Variants in NRG1 observed in about 807,000 individuals in gnomAD.
NRG1 encodes the protein pro-neuregulin-1, membrane-bound isoform.
Under a neutral mutation model 63.8 loss-of-function variants are expected in NRG1, and 18 were observed. The ratio of observed to expected loss-of-function variants is 0.28; its 90% CI spans 0.19 to 0.42. The LOEUF (loss-of-function observed/expected upper bound fraction) is 0.42, where lower values mean the gene tolerates loss of function less well. Ranked by LOEUF, NRG1 falls within the 10% of genes least tolerant of loss-of-function variation. The pLI is 1.00. For synonymous variants in NRG1, 302 were observed against 301.3 expected (o/e 1.00, Z -0.02); for missense variants, 762 against 814.7 (o/e 0.94, Z 0.79).
chr8:31,746,479 G>T (rs1279348988), intron 1 of NRG1, among the ~76,000 whole-genome samples: 1 of 151,952 alleles, frequency 6.6e-6, no homozygotes, highest in African/African-American at 2.4e-5. Flanking sequence ...GTGATGCAAA[G>T]GAGTTAAAGA....
chr8:32,399,939 A>C (rs1812950775), intron 1 of NRG1, among the ~76,000 whole-genome samples: 2 of 152,214 alleles, frequency 1.3e-5, no homozygotes, highest in African/African-American at 4.8e-5. Flanking sequence ...AGTACCTTGC[A>C]GACTTTGTTT....
At chr8:31,994,652 T>TCAAA (rs1210971665) in intron 1 of NRG1, among the ~76,000 whole-genome samples, 1 of 4,230 alleles carries the variant, frequency 2.4e-4, no homozygotes, top group Non-Finnish European at 7.9e-4. Flanking sequence ...ATACTCTGTC[T>TCAAA]CAAAAAAAAA....
chr8:32,652,539 A>T (rs1855352968), intron 5 of NRG1, among the ~76,000 whole-genome samples: 1 of 151,198 alleles, frequency 6.6e-6, no homozygotes, highest in Non-Finnish European at 1.5e-5. Flanking sequence ...TATTTTTGTA[A>T]TTATGTCATT....
rs1307158234 is a variant in NRG1 at position 32,058,581 on chromosome 8, AT to A, written c.37+419157del. Among the ~76,000 whole-genome samples, 4 of 151,698 alleles carry A rather than the reference AT, an allele frequency of 2.6e-5. No homozygotes were observed. The East Asian group carries it at 5.8e-4, about 22-fold the overall frequency. ...TGTTTTTAATTATTTTTATTTTTTTATTTTTTTACTGGCTATTTTAGACTTT... is the reference window on the plus strand; with the variant it reads ...TGTTTTTAATTATTTTTATTTTTTTATTTTTTACTGGCTATTTTAGACTTT... On this transcript the variant is annotated intron_variant, in intron 1 of 10. Transcript: ENST00000519301.
intron 1 of NRG1, among the ~76,000 whole-genome samples, chr8:32,216,469 C>G (rs1164850002): frequency 1.3e-5 from 2 of 148,388 alleles, no homozygotes; most frequent in Non-Finnish European, 3.0e-5. Flanking sequence ...ATTGTATTAT[C>G]ATGATATTAT....
At chr8:32,466,166 T>G (rs563485595) in intron 1 of NRG1, among the ~76,000 whole-genome samples, 14 of 151,974 alleles carry the variant, frequency 9.2e-5, no homozygotes, top group Non-Finnish European at 1.8e-4. Context: ...CATAAGTAAC[T>G]AAGTAAGTAA....
At chr8:32,301,731 C>T (rs1028090620) in intron 1 of NRG1, among the ~76,000 whole-genome samples, 1 of 152,126 alleles carries the variant, frequency 6.6e-6, no homozygotes, top group African/African-American at 2.4e-5. Flanking sequence ...CATCAGATCT[C>T]GTGAGACTCA....
intron 5 of NRG1, among the ~76,000 whole-genome samples, chr8:32,724,587 A>T (rs1821584824): frequency 6.6e-6 from 1 of 152,260 alleles, no homozygotes; most frequent in East Asian, 1.9e-4. Flanking sequence ...CCCTGTGTTC[A>T]AATAAAGAGA....
At chr8:32,146,568 A>AT (rs1836889166) in intron 1 of NRG1, among the ~76,000 whole-genome samples, 1 of 152,122 alleles carries the variant, frequency 6.6e-6, no homozygotes, top group Non-Finnish European at 1.5e-5. Context: ...AGACATACAT[A>AT]TTAGGAAGAT....
intron 1 of NRG1, among the ~76,000 whole-genome samples, chr8:31,761,409 A>G (rs1396730748): frequency 6.6e-6 from 1 of 152,184 alleles, no homozygotes; most frequent in East Asian, 1.9e-4. Context: ...ATACGTAACT[A>G]ACCTGCACAT....
intron 1 of NRG1, among the ~76,000 whole-genome samples, chr8:32,205,362 G>A (rs1034181888): frequency 6.6e-6 from 1 of 152,128 alleles, no homozygotes; most frequent in Non-Finnish European, 1.5e-5. Flanking sequence ...CTCTGAACGT[G>A]TGTTACTACC....
intron 1 of NRG1, among the ~76,000 whole-genome samples, chr8:32,175,538 A>G (rs1337051969): frequency 6.6e-6 from 1 of 152,198 alleles, no homozygotes; most frequent in African/African-American, 2.4e-5. Flanking sequence ...GATGAAGTCA[A>G]ATTGTCCCTG....
At chr8:32,198,787 A>C (rs1440710957) in intron 1 of NRG1, among the ~76,000 whole-genome samples, 1 of 152,160 alleles carries the variant, frequency 6.6e-6, no homozygotes, top group Non-Finnish European at 1.5e-5. Context: ...TTTCCCCTAA[A>C]CTATGTTGTT....
chr8:32,322,376 T>C (rs1208871595), intron 1 of NRG1, among the ~76,000 whole-genome samples: 1 of 150,446 alleles, frequency 6.6e-6, no homozygotes, highest in Admixed American at 6.7e-5. Context: ...TATATATATA[T>C]ACCCATTAAT....
intron 1 of NRG1, among the ~76,000 whole-genome samples, chr8:32,093,104 C>T (rs955343276): frequency 5.3e-5 from 8 of 152,154 alleles, no homozygotes; most frequent in Admixed American, 2.0e-4. Flanking sequence ...AAGAAGTAGA[C>T]GTGAGAGACT....
chr8:31,904,802 C>T (rs1419378380), intron 1 of NRG1, among the ~76,000 whole-genome samples: 1 of 151,982 alleles, frequency 6.6e-6, no homozygotes, highest in Non-Finnish European at 1.5e-5. Context: ...TGAATGTTCC[C>T]ACTTATAAGT....
chr8:32,664,809 A>G (rs1036374208), intron 5 of NRG1, among the ~76,000 whole-genome samples: 2 of 152,190 alleles, frequency 1.3e-5, no homozygotes, highest in African/African-American at 4.8e-5. Context: ...AGCGGTTGTT[A>G]GATTAATGAA....
At chr8:32,386,788 A>T (rs1026064983) in intron 1 of NRG1, among the ~76,000 whole-genome samples, 4 of 152,196 alleles carry the variant, frequency 2.6e-5, no homozygotes, top group Non-Finnish European at 5.9e-5. Flanking sequence ...CCTTACTTTC[A>T]TTTCTTGACC....
At chr8:31,930,503 A>G (rs1388726209) in intron 1 of NRG1, among the ~76,000 whole-genome samples, 1 of 152,178 alleles carries the variant, frequency 6.6e-6, no homozygotes, top group African/African-American at 2.4e-5. Context: ...TTGATTAACC[A>G]TCTTTGGTGA....
Sources: allele counts gnomAD v4.1 joint callset (sites outside exome capture counted in the v4.1 genomes callset), GRCh38; gene constraint gnomAD v4.1.1; transcripts MANE v1.5; gene names NCBI Gene and HGNC (gene_info 2026-07-23, HGNC 2026-07-21).